Variants in PABPC4L observed in about 807,000 individuals in gnomAD.
The protein encoded by PABPC4L is polyadenylate-binding protein 4-like.
For missense variants in PABPC4L, 452 were observed against 451.4 expected (o/e 1.00, Z -0.01); for synonymous variants, 169 against 164.1 (o/e 1.03, Z -0.23).
chr4:133,953,041 A>G, the PABPC4L span, among the ~76,000 whole-genome samples: 1 of 152,088 alleles, frequency 6.6e-6, no homozygotes, highest in Non-Finnish European at 1.5e-5. Context: ...TCCACCCTCA[A>G]GTTTATCAAG....
the PABPC4L span, among the ~76,000 whole-genome samples, chr4:134,162,638 A>G: frequency 6.6e-6 from 1 of 152,264 alleles, no homozygotes; most frequent in East Asian, 1.9e-4. Flanking sequence ...TAATTTTTTA[A>G]ATATCAAAAT....
chr4:134,033,223 G>A, the PABPC4L span, among the ~76,000 whole-genome samples: 1 of 151,646 alleles, frequency 6.6e-6, no homozygotes, highest in East Asian at 1.9e-4. Context: ...TGTTCTGGAG[G>A]ACCACAAACC....
At chr4:133,976,117 C>T in the PABPC4L span, among the ~76,000 whole-genome samples, 1 of 152,050 alleles carries the variant, frequency 6.6e-6, no homozygotes, top group Non-Finnish European at 1.5e-5. Flanking sequence ...TGCCACCTTC[C>T]CCCAACAGAG....
chr4:134,025,706 T>C, the PABPC4L span, among the ~76,000 whole-genome samples: 1 of 152,178 alleles, frequency 6.6e-6, no homozygotes, highest in Non-Finnish European at 1.5e-5. Context: ...TTTTCTGAAT[T>C]TTCAGTGGGA....
At chr4:133,985,281 A>G in the PABPC4L span, among the ~76,000 whole-genome samples, 193 of 152,056 alleles carry the variant, frequency 1.3e-3, no homozygotes, top group African/African-American at 4.5e-3. Flanking sequence ...TTTGAAATAT[A>G]AAACACCTAA....
At chr4:133,984,718 A>G in the PABPC4L span, among the ~76,000 whole-genome samples, 3 of 151,914 alleles carry the variant, frequency 2.0e-5, no homozygotes, top group Non-Finnish European at 2.9e-5. Flanking sequence ...TCTTTCATAT[A>G]GCTTTGGAAT....
chr4:134,068,569 T>C, the PABPC4L span, among the ~76,000 whole-genome samples: 1 of 152,162 alleles, frequency 6.6e-6, no homozygotes, highest in Non-Finnish European at 1.5e-5. Context: ...ATCATGTTGT[T>C]AGCTGGTTAT....
the PABPC4L span, among the ~76,000 whole-genome samples, chr4:134,190,718 C>G: frequency 2.6e-5 from 4 of 152,034 alleles, no homozygotes; most frequent in African/African-American, 9.7e-5. Flanking sequence ...GTGGTGAAAT[C>G]TCGGCTCACT....
the PABPC4L span, among the ~76,000 whole-genome samples, chr4:134,103,734 C>T: frequency 6.6e-6 from 1 of 151,590 alleles, no homozygotes; most frequent in Non-Finnish European, 1.5e-5. Flanking sequence ...ATTCTGTTTC[C>T]ATGACTAGCT....
the PABPC4L span, among the ~76,000 whole-genome samples, chr4:134,187,537 C>A: frequency 1.8e-5 from 1 of 56,758 alleles, no homozygotes; most frequent in African/African-American, 7.2e-5. Context: ...ACACCAGGGC[C>A]TGTCGTGGGG....
At chr4:134,101,233 T>C in the PABPC4L span, among the ~76,000 whole-genome samples, 1 of 151,618 alleles carries the variant, frequency 6.6e-6, no homozygotes, top group African/African-American at 2.4e-5. Context: ...CGCATTTAAC[T>C]TAAATGAGGA....
chr4:134,037,789 CT>C, the PABPC4L span, among the ~76,000 whole-genome samples: 8 of 152,186 alleles, frequency 5.3e-5, no homozygotes, highest in East Asian at 1.4e-3. Flanking sequence ...TTGACTTCCT[CT>C]TTTCCTAATT....
downstream of PABPC4L, among the ~76,000 whole-genome samples, chr4:134,193,117 T>G (rs1402143095): frequency 6.6e-6 from 1 of 152,124 alleles, no homozygotes; most frequent in East Asian, 1.9e-4. Context: ...TCTAGTTTTG[T>G]GCTGCCGTAG....
the PABPC4L span, among the ~76,000 whole-genome samples, chr4:134,040,651 A>C: frequency 6.6e-6 from 1 of 152,202 alleles, no homozygotes; most frequent in Non-Finnish European, 1.5e-5. Flanking sequence ...AATACCATTC[A>C]GGACATAGGC....
At chr4:133,977,449 A>G in the PABPC4L span, among the ~76,000 whole-genome samples, 1 of 151,480 alleles carries the variant, frequency 6.6e-6, no homozygotes, top group Non-Finnish European at 1.5e-5. Context: ...AATTCTGTGA[A>G]GAATGTCAAT....
the PABPC4L span, among the ~76,000 whole-genome samples, chr4:133,949,392 C>G: frequency 6.6e-6 from 1 of 152,086 alleles, no homozygotes; most frequent in African/African-American, 2.4e-5. Context: ...TAGGTATTCC[C>G]TACTTTCCAC....
the PABPC4L span, among the ~76,000 whole-genome samples, chr4:133,950,613 C>A: frequency 1.3e-5 from 2 of 152,166 alleles, no homozygotes; most frequent in African/African-American, 4.8e-5. Flanking sequence ...CATCTTCCAT[C>A]TTCAGTTTGA....
At chr4:134,069,185 G>A in the PABPC4L span, among the ~76,000 whole-genome samples, 1 of 152,130 alleles carries the variant, frequency 6.6e-6, no homozygotes, top group African/African-American at 2.4e-5. Context: ...TCTGCTGAAA[G>A]GTCTGCTGTT....
the PABPC4L span, among the ~76,000 whole-genome samples, chr4:134,087,667 G>T: frequency 6.6e-6 from 1 of 152,076 alleles, no homozygotes; most frequent in African/African-American, 2.4e-5. Flanking sequence ...CCATCCAGAG[G>T]CCCTCTATAT....
Sources: allele counts gnomAD v4.1 joint callset (sites outside exome capture counted in the v4.1 genomes callset), GRCh38; gene constraint gnomAD v4.1.1; transcripts MANE v1.5; gene names NCBI Gene and HGNC (gene_info 2026-07-23, HGNC 2026-07-21).